Variants in FOXP1 observed in about 807,000 individuals in gnomAD.
FOXP1 encodes forkhead box protein P1.
Under a neutral mutation model 98.2 loss-of-function variants are expected in FOXP1, and 15 were observed. The ratio of observed to expected loss-of-function variants is 0.15; its 90% CI spans 0.10 to 0.24. The LOEUF is 0.24. Among genes scored for constraint, FOXP1 ranks in the 10% least tolerant of loss-of-function variants. The pLI, the probability that FOXP1 is intolerant of heterozygous loss-of-function variation, is 1.00. For missense variants in FOXP1, 633 were observed against 848.5 expected (o/e 0.75, Z 3.15); for synonymous variants, 371 against 314.5 (o/e 1.18, Z -1.90).
intron 6 of FOXP1, among the ~76,000 whole-genome samples, chr3:71,164,874 C>A (rs995712569): frequency 1.5e-4 from 23 of 152,084 alleles, no homozygotes; most frequent in Admixed American, 8.5e-4. Flanking sequence ...TACATTCCAG[C>A]GCATTATACT....
intron 2 of FOXP1, among the ~76,000 whole-genome samples, chr3:71,542,429 A>T (rs1443881377): frequency 6.6e-6 from 1 of 152,232 alleles, no homozygotes; most frequent in Admixed American, 6.5e-5. Flanking sequence ...AGAGCGATCG[A>T]AATCTCGTTT....
chr3:71,336,270 AT>A (rs1168743700), intron 4 of FOXP1, among the ~76,000 whole-genome samples: 3 of 140,222 alleles, frequency 2.1e-5, no homozygotes, highest in African/African-American at 7.5e-5. Flanking sequence ...AGTTTATTTT[AT>A]TTTTATTTTA....
chr3:71,117,791 T>G (rs993420533), intron 6 of FOXP1, among the ~76,000 whole-genome samples: 2 of 152,154 alleles, frequency 1.3e-5, no homozygotes, highest in African/African-American at 4.8e-5. Context: ...ATAACAGATG[T>G]GACAATTGCC....
chr3:71,156,463 G>C (rs914279535), intron 6 of FOXP1, among the ~76,000 whole-genome samples: 1 of 151,844 alleles, frequency 6.6e-6, no homozygotes, highest in African/African-American at 2.4e-5. Context: ...CAGGAGGAGA[G>C]GGGAAAGCCT....
intron 6 of FOXP1, among the ~76,000 whole-genome samples, chr3:71,116,701 T>C (rs1350203231): frequency 6.6e-6 from 1 of 152,242 alleles, no homozygotes; most frequent in Non-Finnish European, 1.5e-5. Context: ...ACAGAATTTA[T>C]AACATGCTTT....
rs750931869 is a variant in FOXP1, at chr3:70,958,211, AAAAG to A, written c.*1032_*1035del. ...ATGGTTGCTGCAAAAAAAAAAAAAGAAAAGAAAAGAAAAAAAGAAAATCCGAAAC... is the reference window on the plus strand; with the variant it reads ...ATGGTTGCTGCAAAAAAAAAAAAAGAAAAAGAAAAAAAGAAAATCCGAAAC... On this transcript the variant is annotated 3_prime_UTR_variant, in exon 21 of 21. Coordinates refer to ENST00000649528, the MANE Select transcript of FOXP1 (RefSeq NM_001349338.3). 14 of 465,970 alleles carry A rather than the reference AAAAG, an allele frequency of 3.0e-5. No homozygotes were observed. Among genetic ancestry groups the A allele is most frequent in the African/African-American group, 2.3e-4 (11 of 48,672 alleles). 28.9% of individuals were successfully genotyped at this position (465,970 alleles called of 1,614,324 possible). A position where few individuals can be genotyped will look rare whatever the true frequency, so the allele number is the denominator to read the frequency against.
intron 6 of FOXP1, among the ~76,000 whole-genome samples, chr3:71,114,978 C>T (rs2107769006): frequency 1.3e-5 from 2 of 152,304 alleles, no homozygotes; most frequent in South Asian, 4.1e-4. Context: ...AAAGCCTCTT[C>T]TCCTACTATA....
intron 6 of FOXP1, among the ~76,000 whole-genome samples, chr3:71,122,788 T>C (rs919806532): frequency 6.6e-6 from 1 of 152,102 alleles, no homozygotes; most frequent in Non-Finnish European, 1.5e-5. Context: ...GTGGCTAGGA[T>C]GGAAAAACAA....
chr3:71,309,207 C>CATCCATCACCAATTG (rs1438165476), intron 4 of FOXP1, among the ~76,000 whole-genome samples: 3 of 152,148 alleles, frequency 2.0e-5, no homozygotes, highest in African/African-American at 7.2e-5. Context: ...TCGATCCATC[C>CATCCATCACCAATTG]ATCCATCACC....
At chr3:71,414,827 G>C (rs2083087170) in intron 3 of FOXP1, among the ~76,000 whole-genome samples, 1 of 152,222 alleles carries the variant, frequency 6.6e-6, no homozygotes. Context: ...TGAGGCCTGT[G>C]AATTTTTAAA....
chr3:71,521,071 G>A (rs377751678), intron 2 of FOXP1, among the ~76,000 whole-genome samples: 2 of 152,310 alleles, frequency 1.3e-5, no homozygotes, highest in East Asian at 3.9e-4. Flanking sequence ...GAAGATGACA[G>A]AGAAATACAA....
intron 2 of FOXP1, among the ~76,000 whole-genome samples, chr3:71,509,672 A>G (rs192791601): frequency 1.2e-4 from 19 of 152,292 alleles, no homozygotes; most frequent in Admixed American, 9.8e-4. Context: ...GCTTGAGGCT[A>G]GGAGTTCAAG....
chr3:71,297,154 C>CATATAA (rs1426637144), intron 5 of FOXP1, among the ~76,000 whole-genome samples: 10 of 152,050 alleles, frequency 6.6e-5, no homozygotes, highest in Non-Finnish European at 1.0e-4. Context: ...AGAGACTGAG[C>CATATAA]ATATAAAATA....
chr3:71,244,105 C>G (rs779819354), intron 5 of FOXP1, among the ~76,000 whole-genome samples: 1 of 152,166 alleles, frequency 6.6e-6, no homozygotes, highest in Non-Finnish European at 1.5e-5. Context: ...ATCAGGGAAT[C>G]TTAGCTGCTG....
intron 14 of FOXP1, among the ~76,000 whole-genome samples, chr3:70,980,726 T>C (rs2038683761): frequency 6.6e-6 from 1 of 152,218 alleles, no homozygotes; most frequent in African/African-American, 2.4e-5. Context: ...CACGTGTAAC[T>C]GAGCAAATAT....
chr3:71,172,089 T>C (rs965429999), intron 6 of FOXP1, among the ~76,000 whole-genome samples: 4 of 152,234 alleles, frequency 2.6e-5, no homozygotes, highest in Non-Finnish European at 5.9e-5. Flanking sequence ...CCAAATCTCA[T>C]GTAGCCTCCT....
chr3:71,048,806 G>A (rs1166914982), intron 9 of FOXP1, among the ~76,000 whole-genome samples: 1 of 150,390 alleles, frequency 6.6e-6, no homozygotes, highest in African/African-American at 2.5e-5. Context: ...GACTATAATG[G>A]GGGGGGTACA....
intron 12 of FOXP1, among the ~76,000 whole-genome samples, chr3:71,012,686 C>T (rs1321986622): frequency 2.6e-5 from 4 of 151,994 alleles, no homozygotes; most frequent in South Asian, 2.1e-4. Flanking sequence ...ATATTTGTAT[C>T]GGGTCCATAA....
At chr3:71,571,166 A>C (rs2047312887) in intron 2 of FOXP1, 1 of 152,228 alleles carries the variant, frequency 6.6e-6, no homozygotes, top group Non-Finnish European at 1.5e-5. Context: ...TTTGTTGACA[A>C]GGAAGGTAGA....
Sources: allele counts gnomAD v4.1 joint callset (sites outside exome capture counted in the v4.1 genomes callset), GRCh38; gene constraint gnomAD v4.1.1; transcripts MANE v1.5; gene names NCBI Gene and HGNC (gene_info 2026-07-23, HGNC 2026-07-21).